MAPKAP1: variants seen among roughly 807,000 people sequenced by gnomAD.
The protein encoded by MAPKAP1 is target of rapamycin complex 2 subunit MAPKAP1.
A neutral mutation model predicts 65.7 loss-of-function variants in MAPKAP1; 20 were observed. That is an observed-to-expected ratio of 0.30 (90% confidence interval 0.21 to 0.44). The LOEUF is 0.44. Ranked by LOEUF, MAPKAP1 falls within the 20% of genes least tolerant of loss-of-function variation. MAPKAP1 has a pLI of 1.00. For missense variants in MAPKAP1, 423 were observed against 648.0 expected, an observed-to-expected ratio of 0.65 and a Z score of 3.77; for synonymous variants, 222 against 244.3, an observed-to-expected ratio of 0.91 and a Z score of 0.85.
intron 8 of MAPKAP1, among the ~76,000 whole-genome samples, chr9:125,490,928 A>G (rs1444648992): frequency 6.6e-6 from 1 of 152,216 alleles, no homozygotes; most frequent in Non-Finnish European, 1.5e-5. Flanking sequence ...ACTTGAGGTC[A>G]GGAATTTGAG....
At chr9:125,563,707 A>ATTG (rs1296906395) in intron 5 of MAPKAP1, among the ~76,000 whole-genome samples, 1 of 151,212 alleles carries the variant, frequency 6.6e-6, no homozygotes, top group Non-Finnish European at 1.5e-5. Context: ...AAAGGGTATT[A>ATTG]TTATTATTAT....
At chr9:125,677,087 T>C (rs1205334674) in intron 1 of MAPKAP1, among the ~76,000 whole-genome samples, 1 of 152,218 alleles carries the variant, frequency 6.6e-6, no homozygotes. Context: ...AAATGCTGTC[T>C]CTTCAGGCCT....
At chr9:125,670,266 T>C (rs1368146973) in intron 2 of MAPKAP1, among the ~76,000 whole-genome samples, 2 of 152,170 alleles carry the variant, frequency 1.3e-5, no homozygotes, top group African/African-American at 4.8e-5. Flanking sequence ...AAGTGAATAT[T>C]ACATTACAGG....
At chr9:125,625,953 G>A (rs1833106319) in intron 4 of MAPKAP1, among the ~76,000 whole-genome samples, 1 of 152,138 alleles carries the variant, frequency 6.6e-6, no homozygotes, top group Non-Finnish European at 1.5e-5. Context: ...TGGCAAGAAA[G>A]CACATAAGAA....
At chr9:125,698,631 C>T (rs1338924743) in intron 1 of MAPKAP1, among the ~76,000 whole-genome samples, 2 of 151,814 alleles carry the variant, frequency 1.3e-5, no homozygotes, top group Non-Finnish European at 1.5e-5. Flanking sequence ...CATGAGCCAC[C>T]GCACCCGGCC....
chr9:125,673,390 C>T (rs529933216), intron 1 of MAPKAP1, among the ~76,000 whole-genome samples: 5 of 152,252 alleles, frequency 3.3e-5, no homozygotes, highest in East Asian at 1.9e-4. Context: ...CCATGCCCAG[C>T]TAATTTTGTA....
chr9:125,665,786 AT>A (rs978156405), intron 3 of MAPKAP1, among the ~76,000 whole-genome samples: 1 of 152,188 alleles, frequency 6.6e-6, no homozygotes, highest in African/African-American at 2.4e-5. Context: ...CCTCCATTGT[AT>A]TTGGGAATCA....
At chr9:125,703,771 A>C (rs888605568) in intron 1 of MAPKAP1, among the ~76,000 whole-genome samples, 1 of 141,240 alleles carries the variant, frequency 7.1e-6, no homozygotes, top group African/African-American at 2.5e-5. Flanking sequence ...GACTGTCTCA[A>C]AAAAAAAAAA....
At chr9:125,601,582 T>A (rs1233722910) in intron 4 of MAPKAP1, among the ~76,000 whole-genome samples, 1 of 152,218 alleles carries the variant, frequency 6.6e-6, no homozygotes, top group Non-Finnish European at 1.5e-5. Flanking sequence ...CACATCCAGC[T>A]TATCCAAAGT....
At chr9:125,694,968 G>A (rs1299189161) in intron 1 of MAPKAP1, among the ~76,000 whole-genome samples, 1 of 152,154 alleles carries the variant, frequency 6.6e-6, no homozygotes, top group Admixed American at 6.5e-5. Flanking sequence ...GCCTAGTTTA[G>A]GATAGATAAA....
At chr9:125,652,521 A>G (rs1405768951) in intron 4 of MAPKAP1, among the ~76,000 whole-genome samples, 2 of 152,164 alleles carry the variant, frequency 1.3e-5, no homozygotes, top group Non-Finnish European at 2.9e-5. Context: ...CAGCTTCCCT[A>G]TTAAAACAGT....
chr9:125,680,546 A>AT (rs1402037943), intron 1 of MAPKAP1, among the ~76,000 whole-genome samples: 1 of 152,224 alleles, frequency 6.6e-6, no homozygotes, highest in Non-Finnish European at 1.5e-5. Context: ...GAATATGCCC[A>AT]ATTTCATTAA....
chr9:125,620,769 T>C (rs1315539677), intron 4 of MAPKAP1, among the ~76,000 whole-genome samples: 1 of 152,134 alleles, frequency 6.6e-6, no homozygotes, highest in Non-Finnish European at 1.5e-5. Context: ...GTGTTAACAA[T>C]ATGCTACATG....
chr9:125,450,996 T>C, intron 10 of MAPKAP1: 1 of 152,438 alleles, frequency 6.6e-6, no homozygotes, highest in Non-Finnish European at 1.5e-5. Flanking sequence ...GGCAGCGGCC[T>C]GGGCAACCAT....
intron 10 of MAPKAP1, among the ~76,000 whole-genome samples, chr9:125,467,705 C>T (rs918222367): frequency 1.2e-4 from 19 of 152,254 alleles, no homozygotes; most frequent in African/African-American, 3.9e-4. Flanking sequence ...TGGCCCTGTG[C>T]CCCCAGCTCC....
intron 10 of MAPKAP1, among the ~76,000 whole-genome samples, chr9:125,449,772 A>AG (rs1398706300): frequency 6.6e-6 from 1 of 152,136 alleles, no homozygotes; most frequent in Non-Finnish European, 1.5e-5. Context: ...CTGCCAGTTC[A>AG]GGGGGCGTGG....
intron 6 of MAPKAP1, among the ~76,000 whole-genome samples, chr9:125,558,779 C>G (rs1830810456): frequency 6.6e-6 from 1 of 152,186 alleles, no homozygotes; most frequent in Admixed American, 6.5e-5. Context: ...AACTCAGGAG[C>G]TCATAAACTT....
chr9:125,495,669 A>C (rs1331317162), intron 8 of MAPKAP1, among the ~76,000 whole-genome samples: 1 of 152,238 alleles, frequency 6.6e-6, no homozygotes, highest in African/African-American at 2.4e-5. Flanking sequence ...AAGAGAGTGA[A>C]AAATGCAAAT....
chr9:125,635,536 G>A (rs1008521957), intron 4 of MAPKAP1, among the ~76,000 whole-genome samples: 6 of 152,188 alleles, frequency 3.9e-5, no homozygotes, highest in South Asian at 2.1e-4. Flanking sequence ...CCACAAGACC[G>A]TTCATGAAGC....
Sources: allele counts gnomAD v4.1 joint callset (sites outside exome capture counted in the v4.1 genomes callset), GRCh38; gene constraint gnomAD v4.1.1; transcripts MANE v1.5; gene names NCBI Gene and HGNC (gene_info 2026-07-23, HGNC 2026-07-21).